MYH3: variants seen among roughly 807,000 people sequenced by gnomAD.
MYH3 encodes the protein myosin heavy chain 3, also known as myosin-3.
In MYH3, 130 loss-of-function variants were observed where a neutral mutation model predicts 238.0. The observed-to-expected ratio is 0.55, with a 90% CI of 0.47 to 0.63. The LOEUF is 0.63. Ranked by LOEUF, MYH3 falls within the 30% of genes least tolerant of loss-of-function variation. The probability of loss-of-function intolerance (pLI) is 0.00; values close to 1 mark genes in which losing one functional copy is unlikely to be tolerated. For synonymous variants in MYH3, 880 were observed against 924.1 expected (o/e 0.95, Z 0.86); for missense variants, 1,853 against 2,374.9 (o/e 0.78, Z 4.57).
chr17:10,654,348 T>C lies in MYH3; in HGVS notation c.204+513A>G, dbSNP rs1294582452. ...AGAATTCCTCGCAGCACCCCCACAGTGGCTTGGGCCAGAATGTAATGGGCT... is the reference window on the plus strand; with the variant it reads ...AGAATTCCTCGCAGCACCCCCACAGCGGCTTGGGCCAGAATGTAATGGGCT... On this transcript the variant is annotated intron_variant, in intron 3 of 40. Coordinates refer to ENST00000583535, the MANE Select transcript of MYH3 (RefSeq NM_002470.4). The surrounding 1 kb of genome is among the most constrained non-coding windows in gnomAD (Gnocchi z 4.5). 2.0e-5 allele frequency among the ~76,000 whole-genome samples: 3 copies of C among 152,200 alleles called. No individual in the cohort carries two copies. The highest frequency in any genetic ancestry group is 4.4e-5 in the Non-Finnish European group (3 of 68,040).
In MYH3 at chr17:10,644,633, C is replaced by G. The variant is rs886052584; in HGVS notation, c.1211G>C (p.Arg404Thr). ...AACGTACTCATTCCCAACTTTCACTCTAGGAAAGCACAAAGCTTTTAGGAG... is the reference window on the plus strand; with the variant it reads ...AACGTACTCATTCCCAACTTTCACTGTAGGAAAGCACAAAGCTTTTAGGAG... ...SDLLKALCFP[R>T]VKVGNEYVTK... Residue 404 changes from arginine (R) to threonine (T), a missense_variant, in exon 13 of 41, where the codon AGA becomes ACA. Physicochemically the swap from Arg to Thr is moderately conservative, Grantham distance 71. Around this residue, in one of 3 missense-constraint regions of MYH3, gnomAD observed 678 missense variants for 1,058.9 expected, o/e 0.64. Coordinates refer to ENST00000583535, the MANE Select transcript of MYH3 (RefSeq NM_002470.4). 1.2e-6 allele frequency: 2 copies of G among 1,614,180 alleles called. No individual in the cohort carries two copies. The highest frequency in any genetic ancestry group is 8.5e-7 in the Non-Finnish European group (1 of 1,180,042).
chr17:10,644,389 T>C lies in MYH3; in HGVS notation c.1372A>G (p.Ile458Val). The C allele has an allele frequency of 6.2e-7, 1 of 1,614,106 alleles. No homozygotes were observed. Among genetic ancestry groups the C allele is most frequent in the Non-Finnish European group, 8.5e-7 (1 of 1,179,976 alleles). ...LDTKLPRQHF[I>V]GVLDIAGFEI... ...AAGCCTGCAATGTCCAAAACACCAA[T>C]GAAGTGTTGTCTTGGAAGCTTCGTA... The change falls in exon 14 of 41, where the codon ATT (isoleucine) becomes GTT (valine). Residue 458 changes from isoleucine to valine, a missense_variant. Coordinates refer to ENST00000583535, the MANE Select transcript of MYH3 (RefSeq NM_002470.4).
At chr17:10,667,141 C>T in the MYH3 span, among the ~76,000 whole-genome samples, 2 of 152,184 alleles carry the variant, frequency 1.3e-5, no homozygotes, top group African/African-American at 2.4e-5. Context: ...GCAACTGCTA[C>T]GGAGGATAAT....
chr17:10,649,604 C>T lies in MYH3; in HGVS notation c.615G>A (p.Leu205=), dbSNP rs752379531. The T allele has an allele frequency of 2.7e-5, 43 of 1,614,092 alleles. No homozygotes were observed. Among genetic ancestry groups the T allele is most frequent in the Non-Finnish European group, 3.6e-5 (42 of 1,180,030 alleles). Reference sequence around the variant, plus strand: ...TCATTTTGGAGTCCTTCTTCTTGGCCAGGTCCCCAGTAGCTGCAATTGTTG... The same window carrying T: ...TCATTTTGGAGTCCTTCTTCTTGGCTAGGTCCCCAGTAGCTGCAATTGTTG... The part of the protein sequence containing the change: ...YFATIAATGD[L]AKKKDSKMKG... Residue 205 remains leucine (L), a synonymous_variant, in exon 7 of 41, where the codon CTG becomes CTA. Transcript: ENST00000583535.
chr17:10,633,168 C>A (rs1056650585), intron 33 of MYH3, among the ~76,000 whole-genome samples: 1 of 152,052 alleles, frequency 6.6e-6, no homozygotes, highest in African/African-American at 2.4e-5. Context: ...GCCTAGATTG[C>A]CAGCATGGGC....
intron 20 of MYH3, 29 bp from the exon 21 acceptor site, chr17:10,640,498 A>G: frequency 6.2e-7 from 1 of 1,614,252 alleles, no homozygotes; most frequent in Non-Finnish European, 8.5e-7. Flanking sequence ...GACATGAGTC[A>G]GTTTCCTAGA....
chr17:10,633,518 T>A, intron 33 of MYH3, 73 bp downstream of exon 33: 1 of 1,599,278 alleles, frequency 6.3e-7, no homozygotes, highest in Admixed American at 1.7e-5. Context: ...AGACACAGCA[T>A]GGAGCAGCCA....
At chr17:10,641,430 G>A (rs1190842166) in intron 17 of MYH3, 58 bp from the exon 18 acceptor site, 1 of 1,225,750 alleles carries the variant, frequency 8.2e-7, no homozygotes, top group Non-Finnish European at 1.2e-6. Flanking sequence ...TGAAGACAGA[G>A]ATCCATTGTA....
Position 10,642,425 on chromosome 17 carries a change from G to T in MYH3, c.1880C>A (p.Thr627Lys), listed in dbSNP as rs370119974. Reference protein sequence around the residue: ...LLAHLYATFATADADSGKKKV... With the variant: ...LLAHLYATFAKADADSGKKKV... Reference sequence around the variant, plus strand: ...CAAAGCACTCCTCTTACCATCCGCCGTGGCAAACGTGGCATAGAGGTGTGC... The same window carrying T: ...CAAAGCACTCCTCTTACCATCCGCCTTGGCAAACGTGGCATAGAGGTGTGC... Residue 627 changes from threonine (T) to lysine (K), a missense_variant, in exon 16 of 41, where the codon ACG becomes AAG. Thr to Lys is a moderately conservative substitution (Grantham distance 78, BLOSUM62 -1). This residue lies in a region of MYH3 where 678 missense variants were observed against 1,058.9 expected (regional missense o/e 0.64). Transcript: ENST00000583535. The surrounding 1 kb of genome is among the most constrained non-coding windows in gnomAD (Gnocchi z 5.4). The T allele has an allele frequency of 1.2e-6, 2 of 1,614,172 alleles. No homozygotes were observed. Among genetic ancestry groups the T allele is most frequent in the South Asian group, 1.1e-5 (1 of 91,082 alleles).
In MYH3 at chr17:10,639,154, T is replaced by G. The variant is rs2285475; in HGVS notation, c.3138A>C (p.Arg1046=). The G allele has an allele frequency of 0.68, 1,089,374 of 1,613,870 alleles. 379,828 individuals are homozygous for G. Among genetic ancestry groups the G allele is most frequent in the Non-Finnish European group, 0.73 (860,787 of 1,179,904 alleles). Reference sequence around the variant, plus strand: ...TCCTTTTGTTCCTTTCCAGGTCTACTCGGAGCTTCTTTTCTTGTTCTAGGG... The same window carrying G: ...TCCTTTTGTTCCTTTCCAGGTCTACGCGGAGCTTCTTTTCTTGTTCTAGGG... ...ESSLEQEKKL[R]VDLERNKRKL... is the part of the protein sequence containing the mutation. The change falls in exon 25 of 41, where the codon CGA becomes CGC. Residue 1046 remains arginine, a synonymous_variant. Transcript: ENST00000583535.
chr17:10,657,867 C>T (rs2074449416), upstream of MYH3, among the ~76,000 whole-genome samples: 1 of 152,096 alleles, frequency 6.6e-6, no homozygotes, highest in South Asian at 2.1e-4. Flanking sequence ...CCCTTGCCCT[C>T]TTCTCCCTTC....
At chr17:10,647,133 ATCAGAG>A (rs772357317) in intron 10 of MYH3, 43 bp downstream of exon 10, 6 of 1,360,770 alleles carry the variant, frequency 4.4e-6, no homozygotes, top group Non-Finnish European at 6.3e-6. Context: ...TGGTCTAGTG[ATCAGAG>A]TCAAACTACC....
Position 10,639,742 on chromosome 17 carries a change from G to A in MYH3, c.2743C>T (p.Gln915Ter). 6.2e-7 allele frequency: 1 copy of A among 1,613,652 alleles called. No individual in the cohort carries two copies. The highest frequency in any genetic ancestry group is 1.6e-4 in the Middle Eastern group (1 of 6,062). Reference protein sequence around the residue: ...RCDQLIKAKFQLEAKIKEVTE... With the variant: ...RCDQLIKAKF The stretch of plus-strand genomic sequence containing the variant: ...ACCTCCTTGATCTTGGCCTCGAGCT[G>A]GAATTTGGCTTTGATCAGCTGATCG... Residue 915 changes from glutamine (Q) to a stop codon, truncating the protein, a stop_gained, in exon 23 of 41, where the codon CAG (glutamine) becomes TAG (stop). Coordinates refer to ENST00000583535, the MANE Select transcript of MYH3 (RefSeq NM_002470.4). LOFTEE classifies it high-confidence loss of function.
chr17:10,676,299 C>G, the MYH3 span: 1 of 152,178 alleles, frequency 6.6e-6, no homozygotes, highest in East Asian at 1.9e-4. Flanking sequence ...CCATGTTGGT[C>G]AGGCCAGTCT....
chr17:10,660,678 G>GAA (rs34156792), upstream of MYH3, among the ~76,000 whole-genome samples: 58 of 134,396 alleles, frequency 4.3e-4, no homozygotes, highest in African/African-American at 1.2e-3. Context: ...CTCTGACTCG[G>GAA]AAAAAAAAAA....
At chr17:10,656,568 T>C (rs1485271819) in intron 1 of MYH3, among the ~76,000 whole-genome samples, 1 of 147,048 alleles carries the variant, frequency 6.8e-6, no homozygotes, top group Non-Finnish European at 1.5e-5. Flanking sequence ...AAAAGACTAA[T>C]ACTTTAAAGA....
chr17:10,664,846 CA>C, the MYH3 span, among the ~76,000 whole-genome samples: 2 of 151,866 alleles, frequency 1.3e-5, no homozygotes, highest in Admixed American at 6.6e-5. Context: ...ATTCCAAGGA[CA>C]AAAAAAGGAG....
At chr17:10,677,751 A>T in the MYH3 span, 6 of 152,320 alleles carry the variant, frequency 3.9e-5, no homozygotes, top group African/African-American at 1.4e-4. Context: ...TAAAATATTA[A>T]TTCTATTGAA....
At position 10,632,552 on chromosome 17, in the gene MYH3, T is replaced by G. The variant is rs1211035567; in HGVS notation, c.4880A>C (p.Glu1627Ala). ...GCGGTTGGCGTGGCTCAGCTGGATC[T>G]CGATTTCATTCAGGTCCCCCTCCAT... ...KKMEGDLNEI[E>A]IQLSHANRQA... The change falls in exon 34 of 41, where the codon GAG becomes GCG. Residue 1627 changes from glutamate (E) to alanine (A), a missense_variant. This residue lies in a region of MYH3 where 1,044 missense variants were observed against 1,192.6 expected (regional missense o/e 0.88). Coordinates refer to ENST00000583535, the MANE Select transcript of MYH3 (RefSeq NM_002470.4). The G allele has an allele frequency of 1.2e-5, 20 of 1,614,174 alleles. No individual in the cohort carries two copies. Among genetic ancestry groups the G allele is most frequent in the Non-Finnish European group, 1.7e-5 (20 of 1,180,046 alleles).
Sources: gnomAD v4.1 joint callset for allele counts (sites outside exome capture counted in the v4.1 genomes callset) on GRCh38, gnomAD v4.1.1 for gene constraint, gnomAD v4.1.1 regional missense constraint, Gnocchi (gnomAD v3.1) non-coding constraint, MANE v1.5 for transcripts, NCBI Gene and HGNC (gene_info 2026-07-23, HGNC 2026-07-21) for gene names.